Variants in WWOX observed in about 807,000 individuals in gnomAD.
WWOX encodes the protein WW domain containing oxidoreductase, also known as WW domain-containing oxidoreductase.
In WWOX, 69 loss-of-function variants were observed where a neutral mutation model predicts 46.2. That is an observed-to-expected ratio of 1.49 (90% CI 1.23 to 1.82). The LOEUF (loss-of-function observed/expected upper bound fraction) is 1.82. Among genes scored for constraint, WWOX ranks in the 40% most tolerant of loss-of-function variants. The pLI is 0.00. For synonymous variants in WWOX, 359 were observed against 202.6 expected, an observed-to-expected ratio of 1.77 and a Z score of -6.56; for missense variants, 919 against 542.6, an observed-to-expected ratio of 1.69 and a Z score of -6.89.
In WWOX at chr16:78,546,785, T is replaced by A. The variant is rs1002363178; in HGVS notation, c.1056+114033T>A. Among the ~76,000 whole-genome samples, 34 of 152,058 alleles carry A rather than the reference T, an allele frequency of 2.2e-4. 1 individual carries two copies. The highest frequency in any genetic ancestry group is 8.2e-4 in the African/African-American group (34 of 41,402). On this transcript the variant is annotated intron_variant, in intron 8 of 8. Coordinates refer to ENST00000566780, the MANE Select transcript of WWOX (RefSeq NM_016373.4). ...AAAGAGATAAGTTACTGACGTGTGT[T>A]ACCAGAGAGAGCCTAGAAAACCTGG...
intron 8 of WWOX, among the ~76,000 whole-genome samples, chr16:78,600,240 C>A (rs867188584): frequency 6.6e-6 from 1 of 151,868 alleles, no homozygotes; most frequent in Non-Finnish European, 1.5e-5. Flanking sequence ...ATTGTGGGAG[C>A]GACAGTTCAA....
chr16:78,349,083 A>G (rs1292736141), intron 5 of WWOX, among the ~76,000 whole-genome samples: 2 of 120,196 alleles, frequency 1.7e-5, no homozygotes, highest in Non-Finnish European at 4.0e-5. Flanking sequence ...CTAGAATTCC[A>G]AGGTCAAGGT....
chr16:78,243,326 A>G (rs988919626), intron 5 of WWOX, among the ~76,000 whole-genome samples: 1 of 152,218 alleles, frequency 6.6e-6, no homozygotes, highest in South Asian at 2.1e-4. Flanking sequence ...GTGATATGCA[A>G]ACATCTGTGA....
chr16:78,805,196 TGA>T (rs1218227407), intron 8 of WWOX, among the ~76,000 whole-genome samples: 1 of 152,202 alleles, frequency 6.6e-6, no homozygotes, highest in African/African-American at 2.4e-5. Flanking sequence ...AAAGTGTATT[TGA>T]GAGAGACCTG....
At chr16:78,704,793 C>A (rs930189428) in intron 8 of WWOX, among the ~76,000 whole-genome samples, 3 of 152,152 alleles carry the variant, frequency 2.0e-5, no homozygotes, top group Non-Finnish European at 2.9e-5. Flanking sequence ...AGACAGCCAG[C>A]ATGTTGACTT....
At chr16:79,194,685 C>A (rs138769256) in intron 8 of WWOX, among the ~76,000 whole-genome samples, 1 of 152,214 alleles carries the variant, frequency 6.6e-6, no homozygotes, top group Non-Finnish European at 1.5e-5. Flanking sequence ...CTACAGCCCC[C>A]GCTCTGCTGA....
At chr16:78,509,141 A>T (rs80098896) in intron 8 of WWOX, among the ~76,000 whole-genome samples, 1 of 152,180 alleles carries the variant, frequency 6.6e-6, no homozygotes, top group African/African-American at 2.4e-5. Context: ...AAGTTATTCA[A>T]TTAATAATTG....
At chr16:79,015,535 G>A (rs2047395926) in intron 8 of WWOX, among the ~76,000 whole-genome samples, 1 of 152,010 alleles carries the variant, frequency 6.6e-6, no homozygotes, top group South Asian at 2.1e-4. Flanking sequence ...TCACTTCCTG[G>A]AGGGAAGCCA....
intron 8 of WWOX, among the ~76,000 whole-genome samples, chr16:78,519,469 A>G (rs866906156): frequency 2.6e-4 from 40 of 151,502 alleles, no homozygotes; most frequent in Middle Eastern, 6.9e-3. Context: ...TTTTTTCTTC[A>G]TTTATATTAT....
intron 8 of WWOX, among the ~76,000 whole-genome samples, chr16:78,468,902 A>G (rs1290410493): frequency 1.3e-5 from 2 of 152,222 alleles, no homozygotes; most frequent in Non-Finnish European, 2.9e-5. Context: ...TTCCCTTTGT[A>G]ACCTGTAACC....
At chr16:78,780,143 A>G (rs1290389069) in intron 8 of WWOX, among the ~76,000 whole-genome samples, 1 of 152,084 alleles carries the variant, frequency 6.6e-6, no homozygotes, top group Non-Finnish European at 1.5e-5. Flanking sequence ...AACTTGGGGT[A>G]ATGCTATGGT....
At chr16:78,196,856 G>T (rs990254977) in intron 5 of WWOX, among the ~76,000 whole-genome samples, 7 of 152,316 alleles carry the variant, frequency 4.6e-5, no homozygotes, top group African/African-American at 1.7e-4. Flanking sequence ...AAAAGTCATG[G>T]TAAGATCCAC....
chr16:78,403,005 A>G (rs1190783363), intron 6 of WWOX, among the ~76,000 whole-genome samples: 2 of 152,138 alleles, frequency 1.3e-5, no homozygotes, highest in Non-Finnish European at 2.9e-5. Context: ...ATTAATTTTT[A>G]TCATAACATG....
intron 4 of WWOX, among the ~76,000 whole-genome samples, chr16:78,142,898 A>G (rs2034035247): frequency 6.6e-6 from 1 of 152,256 alleles, no homozygotes; most frequent in South Asian, 2.1e-4. Flanking sequence ...ATAGCATCAT[A>G]TGACATGGAG....
At chr16:79,183,705 A>G (rs1039235824) in intron 8 of WWOX, among the ~76,000 whole-genome samples, 16 of 152,202 alleles carry the variant, frequency 1.1e-4, no homozygotes, top group African/African-American at 3.4e-4. Context: ...AATACCCATT[A>G]CCTACGGAGG....
At chr16:78,423,392 A>G (rs2082998204) in intron 6 of WWOX, among the ~76,000 whole-genome samples, 1 of 152,122 alleles carries the variant, frequency 6.6e-6, no homozygotes, top group Admixed American at 6.5e-5. Flanking sequence ...CCTCAATGGT[A>G]TATTTAGTTT....
chr16:78,506,070 G>A (rs2085195679), intron 8 of WWOX, among the ~76,000 whole-genome samples: 4 of 152,212 alleles, frequency 2.6e-5, no homozygotes, highest in Admixed American at 6.5e-5. Context: ...ATTGGTCTGC[G>A]TCCAAGAGCT....
chr16:78,692,144 G>A (rs960891543), intron 8 of WWOX, among the ~76,000 whole-genome samples: 7 of 152,084 alleles, frequency 4.6e-5, no homozygotes, highest in South Asian at 2.1e-4. Context: ...GCGTGAAAAC[G>A]GACTAATACA....
chr16:78,369,588 T>A (rs72796027), intron 5 of WWOX, among the ~76,000 whole-genome samples: 14,081 of 151,936 alleles, frequency 0.093, 908 homozygotes, highest in African/African-American at 0.18. Context: ...TGGACTGATT[T>A]CTCATTAATG....
Sources: gnomAD v4.1 joint callset for allele counts (sites outside exome capture counted in the v4.1 genomes callset) on GRCh38, gnomAD v4.1.1 for gene constraint, MANE v1.5 for transcripts, NCBI Gene and HGNC (gene_info 2026-07-23, HGNC 2026-07-21) for gene names.